The following NEIL2 variants were observed in gnomAD, a reference collection of about 807,000 sequenced individuals.
The protein encoded by NEIL2 is nei like DNA glycosylase 2, also known as endonuclease 8-like 2.
Under a neutral mutation model 22.2 loss-of-function variants are expected in NEIL2, and 23 were observed. That is an observed-to-expected ratio of 1.04 (90% CI 0.75 to 1.47). The LOEUF is 1.47. Ranked by LOEUF, NEIL2 falls within the 40% of genes most tolerant of loss-of-function variation. The pLI is 0.00. For missense variants in NEIL2, 583 were observed against 404.7 expected (o/e 1.44, Z -3.78); for synonymous variants, 229 against 164.8 (o/e 1.39, Z -2.99).
chr8:11,780,065 G>A, intron 3 of NEIL2, 115 bp downstream of exon 3: 3 of 867,752 alleles, frequency 3.5e-6, no homozygotes, highest in Non-Finnish European at 5.5e-6. Flanking sequence ...TGCCCCCCAG[G>A]GCCCTGCTGT....
rs1443629957 is a variant in NEIL2, at chr8:11,779,659, G to T, written c.200G>T (p.Ser67Ile). Residue 67 changes from serine (S) to isoleucine (I), a missense_variant, in exon 3 of 5, where the codon AGC (serine) becomes ATC (isoleucine). By Grantham distance (142) the Ser-to-Ile change is moderately radical (BLOSUM62 -2). Coordinates refer to ENST00000284503, the MANE Select transcript of NEIL2 (RefSeq NM_145043.4). ...GATGAAGAAATGGGGCCCCCTGGCA[G>T]CAGCCCAACACCAGAGCCTCCACAA... ...DLDEEMGPPG[S>I]SPTPEPPQKE... The T allele has an allele frequency of 1.9e-6, 3 of 1,613,848 alleles. No individual in the cohort carries two copies. Among genetic ancestry groups the T allele is most frequent in the Non-Finnish European group, 2.5e-6 (3 of 1,179,966 alleles).
chr8:11,781,238 G>A (rs367595748), intron 3 of NEIL2, among the ~76,000 whole-genome samples: 2 of 152,208 alleles, frequency 1.3e-5, no homozygotes, highest in African/African-American at 4.8e-5. Context: ...AGTAGCTTCT[G>A]TGGTCTGGAG....
In NEIL2 at chr8:11,786,010, C is replaced by G. The variant is rs767128371; in HGVS notation, c.736C>G (p.Leu246Val). 2 of 1,614,174 alleles carry G rather than the reference C, an allele frequency of 1.2e-6. No homozygotes were observed. Among genetic ancestry groups the G allele is most frequent in the South Asian group, 1.1e-5 (1 of 91,076 alleles). Residue 246 changes from leucine to valine, a missense_variant, in exon 5 of 5, where the codon CTT (leucine) becomes GTT (valine). Coordinates refer to ENST00000284503, the MANE Select transcript of NEIL2 (RefSeq NM_145043.4). ...EALYRAGIHP[L>V]SLGSVLSASR... ...CTTGTACAGAGCTGGGATCCATCCC[C>G]TTTCTCTCGGTTCAGTCCTGAGTGC...
chr8:11,785,482 C>A (rs1459393744), intron 4 of NEIL2, among the ~76,000 whole-genome samples: 1 of 152,194 alleles, frequency 6.6e-6, no homozygotes, highest in East Asian at 1.9e-4. Context: ...AGGAATGCGC[C>A]AGGCCAACAT....
chr8:11,771,806 C>T (rs117536237), intron 2 of NEIL2, among the ~76,000 whole-genome samples: 24 of 152,260 alleles, frequency 1.6e-4, no homozygotes, highest in South Asian at 4.1e-4. Context: ...CTGGAGACCC[C>T]GATTCAGAGG....
Position 11,786,185 on chromosome 8 carries a change from C to T in NEIL2, c.911C>T (p.Pro304Leu). Residue 304 changes from proline (P) to leucine (L), a missense_variant, in exon 5 of 5, where the codon CCC becomes CTC. Transcript: ENST00000284503. ...GHQVMKEAFG[P>L]EDGLQRLTWW... ...CAGGTCATGAAGGAGGCGTTTGGGC[C>T]CGAAGATGGGTTACAGAGGCTCACC... is the stretch of plus-strand genomic sequence containing the variant. The T allele has an allele frequency of 4.3e-6, 7 of 1,613,776 alleles. No individual in the cohort carries two copies. The highest frequency in any genetic ancestry group is 5.9e-6 in the Non-Finnish European group (7 of 1,180,018).
At chr8:11,785,876 C>G (rs962869021) in intron 4 of NEIL2, 87 bp from the exon 5 acceptor site, 5 of 1,232,606 alleles carry the variant, frequency 4.1e-6, no homozygotes, top group African/African-American at 1.5e-5. Flanking sequence ...CATGGAAGAG[C>G]TGATTTCTGC....
In NEIL2 at chr8:11,783,284, A is replaced by G; in HGVS notation, c.573A>G (p.Thr191=). The G allele has an allele frequency of 6.2e-7, 1 of 1,614,202 alleles. No individual in the cohort carries two copies. Among genetic ancestry groups the G allele is most frequent in the Non-Finnish European group, 8.5e-7 (1 of 1,180,012 alleles). ...CTTGGAGCTCTTCCCCAGTGGTCAC[A>G]CCCACCTGTGACATCCTGTCTGAGA... The part of the protein sequence containing the change: ...QLSWSSSPVV[T]PTCDILSEKF... Residue 191 remains threonine, a synonymous_variant, in exon 4 of 5, where the codon ACA becomes ACG. Coordinates refer to ENST00000284503, the MANE Select transcript of NEIL2 (RefSeq NM_145043.4).
At chr8:11,785,867 A>C in intron 4 of NEIL2, 96 bp from the exon 5 acceptor site, 2 of 1,131,480 alleles carry the variant, frequency 1.8e-6, no homozygotes, top group Non-Finnish European at 1.3e-6. Flanking sequence ...CCCCCAGGAC[A>C]TGGAAGAGCT....
intron 2 of NEIL2, among the ~76,000 whole-genome samples, chr8:11,773,241 G>A (rs1803626882): frequency 6.6e-6 from 1 of 152,154 alleles, no homozygotes; most frequent in Non-Finnish European, 1.5e-5. Context: ...TGGATGGGTG[G>A]GCAGATGGAT....
chr8:11,776,583 A>G (rs950195333), intron 2 of NEIL2, among the ~76,000 whole-genome samples: 29 of 152,164 alleles, frequency 1.9e-4, no homozygotes, highest in African/African-American at 6.3e-4. Context: ...GCTGGACCAT[A>G]TAGTATGTTG....
At chr8:11,772,354 T>C (rs1443781918) in intron 2 of NEIL2, among the ~76,000 whole-genome samples, 1 of 152,232 alleles carries the variant, frequency 6.6e-6, no homozygotes, top group African/African-American at 2.4e-5. Context: ...TCGATGAAAC[T>C]GCCTTTGGCT....
intron 2 of NEIL2, among the ~76,000 whole-genome samples, chr8:11,773,863 A>C (rs1213869863): frequency 6.6e-6 from 1 of 152,204 alleles, no homozygotes; most frequent in Non-Finnish European, 1.5e-5. Context: ...TCCTCCAGTA[A>C]TGGAACAGTC....
At chr8:11,771,648 A>G in intron 2 of NEIL2, 63 bp downstream of exon 2, 2 of 1,540,230 alleles carry the variant, frequency 1.3e-6, no homozygotes, top group Non-Finnish European at 1.8e-6. Flanking sequence ...CCTAGGATCT[A>G]TCCCCATATG....
rs1158924701 is a variant in NEIL2, at chr8:11,786,304, C to T, written c.*31C>T. 1 of 1,586,314 alleles carries T rather than the reference C, an allele frequency of 6.3e-7. No individual in the cohort carries two copies. The highest frequency in any genetic ancestry group is 8.6e-7 in the Non-Finnish European group (1 of 1,168,874). On this transcript the variant is annotated 3_prime_UTR_variant, in exon 5 of 5. Transcript: ENST00000284503. ...TGGTGGTGCTCCTCACGGAACCTTG[C>T]CGCTTGGGGAACCTGACGTCTAAGT...
At chr8:11,783,621 A>T (rs1339070826) in intron 4 of NEIL2, among the ~76,000 whole-genome samples, 1 of 152,012 alleles carries the variant, frequency 6.6e-6, no homozygotes, top group African/African-American at 2.4e-5. Flanking sequence ...CCACACCCTA[A>T]CTGTGTTATC....
At chr8:11,783,438 T>C (rs777318141) in intron 4 of NEIL2, 39 bp downstream of exon 4, 2 of 1,591,130 alleles carry the variant, frequency 1.3e-6, no homozygotes, top group Non-Finnish European at 1.7e-6. Flanking sequence ...ACAGAGTTGC[T>C]TCATGGAAAA....
At chr8:11,780,937 C>T (rs776866155) in intron 3 of NEIL2, among the ~76,000 whole-genome samples, 1 of 152,106 alleles carries the variant, frequency 6.6e-6, no homozygotes, top group Non-Finnish European at 1.5e-5. Flanking sequence ...GTTTTTGTGA[C>T]ATGTGTTGCC....
At chr8:11,776,894 G>A (rs1040678027) in intron 2 of NEIL2, among the ~76,000 whole-genome samples, 11 of 152,270 alleles carry the variant, frequency 7.2e-5, no homozygotes, top group African/African-American at 2.6e-4. Flanking sequence ...TTGGTCCTGA[G>A]AGTTGAGAGC....
Sources: allele counts gnomAD v4.1 joint callset (sites outside exome capture counted in the v4.1 genomes callset), GRCh38; gene constraint gnomAD v4.1.1; transcripts MANE v1.5; gene names NCBI Gene and HGNC (gene_info 2026-07-23, HGNC 2026-07-21).